ACYP2: variants seen among roughly 807,000 people sequenced by gnomAD.
The protein encoded by ACYP2 is acylphosphatase 2.
ACYP2 carries 12 observed loss-of-function variants against 11.2 expected under a neutral mutation model. That is an observed-to-expected ratio of 1.08 (90% confidence interval 0.69 to 1.74). The LOEUF (loss-of-function observed/expected upper bound fraction) is 1.74. Ranked by LOEUF, ACYP2 falls within the 40% of genes most tolerant of loss-of-function variation. ACYP2 has a pLI of 0.00. For synonymous variants in ACYP2, 43 were observed against 32.2 expected (o/e 1.33, Z -1.13); for missense variants, 134 against 101.9 (o/e 1.31, Z -1.35).
chr2:54,137,488 G>C (rs1681318411), intron 5 of ACYP2, among the ~76,000 whole-genome samples: 2 of 152,088 alleles, frequency 1.3e-5, no homozygotes, highest in African/African-American at 4.8e-5. Context: ...CTGTGTCCAT[G>C]TATTCTCATA....
intron 4 of ACYP2, among the ~76,000 whole-genome samples, chr2:54,076,294 A>G (rs1431740015): frequency 1.3e-5 from 2 of 152,260 alleles, no homozygotes; most frequent in Non-Finnish European, 2.9e-5. Flanking sequence ...TCTGCATTGT[A>G]TTTAAAATTT....
chr2:54,114,665 C>T (rs1558537745), intron 4 of ACYP2, among the ~76,000 whole-genome samples: 1 of 152,114 alleles, frequency 6.6e-6, no homozygotes. Context: ...GTCTGGGAGA[C>T]AAGAGCGAAA....
intron 4 of ACYP2, among the ~76,000 whole-genome samples, chr2:54,118,681 G>A (rs909301334): frequency 5.9e-5 from 9 of 152,230 alleles, no homozygotes; most frequent in African/African-American, 2.2e-4. Flanking sequence ...TGGACCAGCA[G>A]TAAAAATATG....
intron 2 of ACYP2, among the ~76,000 whole-genome samples, chr2:54,012,248 A>AG (rs1673413660): frequency 6.6e-6 from 1 of 152,124 alleles, no homozygotes; most frequent in Admixed American, 6.6e-5. Context: ...AAAAAAAAAA[A>AG]AAATACTCCC....
At chr2:54,099,321 A>C (rs773225758) in intron 4 of ACYP2, among the ~76,000 whole-genome samples, 2 of 152,192 alleles carry the variant, frequency 1.3e-5, no homozygotes, top group Non-Finnish European at 1.5e-5. Context: ...GCAATTTTCC[A>C]AGTATACAAC....
intron 6 of ACYP2, among the ~76,000 whole-genome samples, chr2:54,233,936 A>C (rs1204870271): frequency 6.6e-6 from 1 of 152,204 alleles, no homozygotes; most frequent in Admixed American, 6.5e-5. Flanking sequence ...GTCCATCCCT[A>C]AAGAACTGAG....
At chr2:53,999,292 T>C (rs1272867331) in intron 2 of ACYP2, among the ~76,000 whole-genome samples, 2 of 151,988 alleles carry the variant, frequency 1.3e-5, no homozygotes, top group African/African-American at 4.8e-5. Flanking sequence ...TACAGGGAGA[T>C]GTCATGAGAG....
At chr2:54,119,898 G>T (rs1293379174) in intron 4 of ACYP2, among the ~76,000 whole-genome samples, 1 of 152,104 alleles carries the variant, frequency 6.6e-6, no homozygotes, top group Admixed American at 6.5e-5. Context: ...GACTTACCTT[G>T]TTGTCGATGA....
At chr2:53,980,518 A>G (rs905287167) in intron 2 of ACYP2, among the ~76,000 whole-genome samples, 2 of 152,106 alleles carry the variant, frequency 1.3e-5, no homozygotes, top group African/African-American at 4.8e-5. Flanking sequence ...GGAGTTCAAG[A>G]TCAGGCTGGG....
In ACYP2 at chr2:54,232,933, C is replaced by A. The variant is rs959687205; in HGVS notation, c.405-71755C>A. On this transcript the variant is annotated intron_variant, in intron 6 of 6. Coordinates refer to ENST00000607452, the MANE Select transcript of ACYP2 (RefSeq NM_001320586.2). ...ATGAGATTTGGGTGGGGACACACAG[C>A]CAAGCCCTATCAGAATGGTTACAAC... Among the ~76,000 whole-genome samples the A allele has an allele frequency of 3.3e-5, 5 of 152,236 alleles. No individual in the cohort carries two copies. In the South Asian group the frequency reaches 1.0e-3, roughly 32 times the overall value.
chr2:54,155,306 C>T (rs1030860590), intron 6 of ACYP2, among the ~76,000 whole-genome samples: 1 of 151,940 alleles, frequency 6.6e-6, no homozygotes, highest in Non-Finnish European at 1.5e-5. Context: ...TATTTTTGCC[C>T]TGATCTTTGT....
chr2:54,241,516 C>T (rs958704538), intron 6 of ACYP2, among the ~76,000 whole-genome samples: 1 of 152,060 alleles, frequency 6.6e-6, no homozygotes, highest in African/African-American at 2.4e-5. Context: ...TGTGTTGTTT[C>T]TATCTGAAGT....
At chr2:54,178,734 C>A (rs996045761) in intron 6 of ACYP2, among the ~76,000 whole-genome samples, 1 of 152,076 alleles carries the variant, frequency 6.6e-6, no homozygotes, top group Non-Finnish European at 1.5e-5. Context: ...AGTTTGATCA[C>A]CATGTAACTT....
intron 6 of ACYP2, among the ~76,000 whole-genome samples, chr2:54,194,473 G>C (rs1224244220): frequency 6.6e-5 from 10 of 152,176 alleles, no homozygotes; most frequent in African/African-American, 2.4e-4. Context: ...CTTTAACTCA[G>C]CTTTTTCATC....
chr2:54,250,374 G>A (rs1687165860), intron 6 of ACYP2, among the ~76,000 whole-genome samples: 1 of 151,796 alleles, frequency 6.6e-6, no homozygotes, highest in Non-Finnish European at 1.5e-5. Flanking sequence ...TCAGGAGGCT[G>A]AGGCAGGAGA....
intron 6 of ACYP2, among the ~76,000 whole-genome samples, chr2:54,228,995 T>C (rs1373193651): frequency 6.6e-6 from 1 of 152,172 alleles, no homozygotes; most frequent in African/African-American, 2.4e-5. Context: ...TCTCCCCTAC[T>C]GAGGGCTGAA....
intron 6 of ACYP2, among the ~76,000 whole-genome samples, chr2:54,195,411 A>G (rs7562908): frequency 0.02 from 3,065 of 152,286 alleles, 70 homozygotes; most frequent in Non-Finnish European, 0.025. Context: ...CCCTTAAGTA[A>G]GTGTCACTGG....
chr2:54,222,662 G>A (rs1685848847), intron 6 of ACYP2, among the ~76,000 whole-genome samples: 1 of 152,030 alleles, frequency 6.6e-6, no homozygotes. Context: ...TTAGCATTCA[G>A]AAATCTACAT....
At chr2:54,149,022 G>A (rs1248965850) in intron 6 of ACYP2, among the ~76,000 whole-genome samples, 2 of 152,162 alleles carry the variant, frequency 1.3e-5, no homozygotes, top group Admixed American at 6.5e-5. Flanking sequence ...GGGGTGAGGT[G>A]GGTGGATTGC....
Sources: allele counts gnomAD v4.1 joint callset (sites outside exome capture counted in the v4.1 genomes callset), GRCh38; gene constraint gnomAD v4.1.1; transcripts MANE v1.5; gene names NCBI Gene and HGNC (gene_info 2026-07-23, HGNC 2026-07-21).